The following WNT5A variants were observed in gnomAD, a reference collection of about 807,000 sequenced individuals.
WNT5A encodes the protein protein Wnt-5a.
A neutral mutation model predicts 42.1 loss-of-function variants in WNT5A; 9 were observed. That is an observed-to-expected ratio of 0.21 (90% CI 0.13 to 0.37). The LOEUF is 0.37. Ranked by LOEUF, WNT5A falls within the 10% of genes least tolerant of loss-of-function variation. WNT5A has a pLI of 1.00. For missense variants in WNT5A, 426 were observed against 534.0 expected (o/e 0.80, Z 1.99); for synonymous variants, 210 against 210.0 (o/e 1.00, Z 0.00).
chr3:55,466,470 G>C lies in WNT5A; in HGVS notation c.*3622C>G, dbSNP rs373745905. ...AAAAACAAATTGAAACTTGGTATTG[G>C]CAAAATTGTACGAGAAAAGAGCTAG... On this transcript the variant is annotated 3_prime_UTR_variant, in exon 5 of 5. Coordinates refer to ENST00000264634, the MANE Select transcript of WNT5A (RefSeq NM_003392.7). The C allele has an allele frequency of 7.2e-5, 11 of 152,206 alleles. No homozygotes were observed. The highest frequency in any genetic ancestry group is 2.6e-4 in the African/African-American group (11 of 41,532). The allele number at this position is 152,206 out of a possible 1,614,324, so 9.4% of individuals were successfully genotyped here. A position where few individuals can be genotyped will look rare whatever the true frequency, so the allele number is the denominator to read the frequency against.
At chr3:55,488,246 C>T (rs2051611876), upstream of WNT5A, 1 of 152,036 alleles carries the variant, frequency 6.6e-6, no homozygotes. Flanking sequence ...GGAGGCGGCT[C>T]CGTGGAGCTC....
upstream of WNT5A, chr3:55,490,037 G>A (rs943203639): frequency 5.3e-5 from 8 of 152,250 alleles, no homozygotes; most frequent in Non-Finnish European, 1.0e-4. Flanking sequence ...CACCTTACGT[G>A]CAGCAGCTCC....
intron 1 of WNT5A, among the ~76,000 whole-genome samples, chr3:55,486,204 T>C (rs1038356217): frequency 1.3e-5 from 2 of 152,144 alleles, no homozygotes; most frequent in Non-Finnish European, 2.9e-5. Flanking sequence ...CAAGGCGGAC[T>C]CCGCTCAGGG....
upstream of WNT5A, among the ~76,000 whole-genome samples, chr3:55,491,550 G>A (rs1462917445): frequency 1.3e-5 from 2 of 152,216 alleles, no homozygotes; most frequent in East Asian, 1.9e-4. Context: ...ATTTATGAAC[G>A]ACTGCATCCC....
intron 1 of WNT5A, among the ~76,000 whole-genome samples, chr3:55,482,374 C>T (rs2051484585): frequency 1.3e-5 from 2 of 152,164 alleles, no homozygotes; most frequent in Admixed American, 6.5e-5. Flanking sequence ...TCCCCTTACA[C>T]GTAAGTCTAA....
chr3:55,481,223 G>T, intron 1 of WNT5A: 1 of 897,166 alleles, frequency 1.1e-6, no homozygotes, highest in Non-Finnish European at 1.4e-6. Context: ...CTTCCTGCTC[G>T]CTCGAGTCCC....
chr3:55,487,931 C>G (rs371347295), upstream of WNT5A: 10 of 152,376 alleles, frequency 6.6e-5, no homozygotes, highest in African/African-American at 1.4e-4. Flanking sequence ...TCCCCCCCCC[C>G]ACCACGTATC....
intron 1 of WNT5A, among the ~76,000 whole-genome samples, chr3:55,484,734 C>CACT (rs2051543069): frequency 1.4e-5 from 2 of 144,420 alleles, no homozygotes; most frequent in African/African-American, 2.5e-5. Flanking sequence ...ACACACACAC[C>CACT]ACTCACACCT....
chr3:55,466,460 C>G lies in WNT5A; in HGVS notation c.*3632G>C, dbSNP rs950066938. ...AATGTTTTGTAAAAACAAATTGAAACTTGGTATTGGCAAAATTGTACGAGA... is the reference window on the plus strand; with the variant it reads ...AATGTTTTGTAAAAACAAATTGAAAGTTGGTATTGGCAAAATTGTACGAGA... On this transcript the variant is annotated 3_prime_UTR_variant, in exon 5 of 5. Coordinates refer to ENST00000264634, the MANE Select transcript of WNT5A (RefSeq NM_003392.7). The G allele has an allele frequency of 2.2e-4, 33 of 152,178 alleles. No homozygotes were observed. Among genetic ancestry groups the G allele is most frequent in the African/African-American group, 7.0e-4 (29 of 41,522 alleles). 9.4% of individuals were successfully genotyped at this position (152,178 alleles called of 1,614,324 possible).
chr3:55,478,829 A>G (rs919485960), intron 3 of WNT5A, among the ~76,000 whole-genome samples: 3 of 152,220 alleles, frequency 2.0e-5, no homozygotes, highest in Non-Finnish European at 2.9e-5. Flanking sequence ...TTATAGCCTC[A>G]GGAAATAGTT....
intron 2 of WNT5A, among the ~76,000 whole-genome samples, chr3:55,480,254 A>G (rs533799304): frequency 1.3e-5 from 2 of 151,956 alleles, no homozygotes; most frequent in Non-Finnish European, 2.9e-5. Flanking sequence ...CCAGAAAGAA[A>G]CCCCCACTTG....
upstream of WNT5A, chr3:55,489,156 G>C (rs502912): frequency 6.6e-6 from 1 of 152,058 alleles, no homozygotes; most frequent in Non-Finnish European, 1.5e-5. Context: ...GGAGGGGCAG[G>C]GTTGGTGGAT....
chr3:55,485,159 G>T (rs578115659), intron 1 of WNT5A, among the ~76,000 whole-genome samples: 1 of 152,028 alleles, frequency 6.6e-6, no homozygotes, highest in Non-Finnish European at 1.5e-5. Context: ...TCTGGTGGTC[G>T]GGAGGGATGA....
chr3:55,481,253 T>G, intron 1 of WNT5A: 1 of 989,552 alleles, frequency 1.0e-6, no homozygotes, highest in Non-Finnish European at 1.2e-6. Flanking sequence ...GGCCCCCCTC[T>G]AGTTGGTGCT....
chr3:55,469,989 G>A lies in WNT5A; in HGVS notation c.*103C>T. ...AAAAATGGTTCCGGTTGCAATTCTT[G>A]GGGAAAAATAAAAAATATTTCTAAA... On this transcript the variant is annotated 3_prime_UTR_variant, in exon 5 of 5. Coordinates refer to ENST00000264634, the MANE Select transcript of WNT5A (RefSeq NM_003392.7). 7.0e-7 allele frequency: 1 copy of A among 1,426,810 alleles called. No homozygotes were observed. The highest frequency in any genetic ancestry group is 9.7e-7 in the Non-Finnish European group (1 of 1,033,122). The allele number at this position is 1,426,810 out of a possible 1,614,324, so 88.4% of individuals were successfully genotyped here.
intron 4 of WNT5A, among the ~76,000 whole-genome samples, chr3:55,473,973 C>T (rs1559553498): frequency 6.6e-6 from 1 of 152,288 alleles, no homozygotes; most frequent in East Asian, 1.9e-4. Context: ...TGCTGGTTCA[C>T]CTTGGCTGGG....
chr3:55,491,994 C>T (rs1280339286), upstream of WNT5A, among the ~76,000 whole-genome samples: 1 of 152,178 alleles, frequency 6.6e-6, no homozygotes, highest in African/African-American at 2.4e-5. Context: ...GGCAAAGGCT[C>T]CTTTGAAATT....
At chr3:55,500,880 C>T in the WNT5A span, among the ~76,000 whole-genome samples, 1 of 152,182 alleles carries the variant, frequency 6.6e-6, no homozygotes, top group Admixed American at 6.5e-5. Context: ...GTAATAATGA[C>T]TTCATTAAAT....
intron 3 of WNT5A, 180 bp downstream of exon 3, chr3:55,479,134 T>C: frequency 1.9e-6 from 1 of 518,920 alleles, no homozygotes; most frequent in Non-Finnish European, 3.0e-6. Flanking sequence ...CCAAAACTTA[T>C]CATCAGGTGT....
Sources: allele counts gnomAD v4.1 joint callset (sites outside exome capture counted in the v4.1 genomes callset), GRCh38; gene constraint gnomAD v4.1.1; transcripts MANE v1.5; gene names NCBI Gene and HGNC (gene_info 2026-07-23, HGNC 2026-07-21).